OLFM4: variants seen among roughly 807,000 people sequenced by gnomAD.
OLFM4 encodes olfactomedin-4.
Under a neutral mutation model 25.5 loss-of-function variants are expected in OLFM4, and 22 were observed. The ratio of observed to expected loss-of-function variants is 0.86; its 90% CI spans 0.62 to 1.23. The LOEUF is 1.23. Ranked by LOEUF, OLFM4 falls within the 50% of genes most tolerant of loss-of-function variation. OLFM4 has a pLI of 0.00. For missense variants in OLFM4, 594 were observed against 619.4 expected, an observed-to-expected ratio of 0.96 and a Z score of 0.44; for synonymous variants, 255 against 237.7, an observed-to-expected ratio of 1.07 and a Z score of -0.67.
intron 2 of OLFM4, among the ~76,000 whole-genome samples, chr13:53,040,982 G>A (rs1415964114): frequency 6.6e-6 from 1 of 152,190 alleles, no homozygotes; most frequent in Non-Finnish European, 1.5e-5. Context: ...AATAACAGAT[G>A]CTGGTGAGAT....
Position 53,050,807 on chromosome 13 carries a change from G to C in OLFM4, c.*36G>C. 6.6e-7 allele frequency: 1 copy of C among 1,520,930 alleles called. No homozygotes were observed. The highest frequency in any genetic ancestry group is 8.8e-7 in the Non-Finnish European group (1 of 1,137,410). 94.2% of individuals were successfully genotyped at this position (1,520,930 alleles called of 1,614,324 possible). ...AGTTAGGGTGAAAGAGAAAATGTTT[G>C]TTGAAAAAATAGTCTTCTCCACTTA... is the stretch of plus-strand genomic sequence containing the variant. On this transcript the variant is annotated 3_prime_UTR_variant, in exon 5 of 5. Coordinates refer to ENST00000219022, the MANE Select transcript of OLFM4 (RefSeq NM_006418.5).
At chr13:53,039,213 A>T (rs908137542) in intron 2 of OLFM4, among the ~76,000 whole-genome samples, 7 of 152,366 alleles carry the variant, frequency 4.6e-5, no homozygotes, top group African/African-American at 1.7e-4. Flanking sequence ...CATTTGTTCC[A>T]AGAGCTGGCA....
At chr13:53,033,182 A>G (rs1249642186) in intron 1 of OLFM4, among the ~76,000 whole-genome samples, 1 of 152,238 alleles carries the variant, frequency 6.6e-6, no homozygotes, top group Non-Finnish European at 1.5e-5. Flanking sequence ...AGGATCTTTC[A>G]AAAGTGTCAT....
At chr13:53,030,425 C>T (rs1954623053) in intron 1 of OLFM4, among the ~76,000 whole-genome samples, 1 of 152,156 alleles carries the variant, frequency 6.6e-6, no homozygotes, top group African/African-American at 2.4e-5. Context: ...ACCTCAGCCT[C>T]CTGAGTAGCT....
At chr13:53,039,319 C>G (rs759121381) in intron 2 of OLFM4, among the ~76,000 whole-genome samples, 3 of 152,078 alleles carry the variant, frequency 2.0e-5, no homozygotes, top group African/African-American at 4.8e-5. Context: ...GGTTTTATGC[C>G]TGAGTTTTGT....
chr13:53,030,696 T>G (rs1593476493), intron 1 of OLFM4, among the ~76,000 whole-genome samples: 1 of 152,344 alleles, frequency 6.6e-6, no homozygotes, highest in East Asian at 1.9e-4. Flanking sequence ...GTCATTAGTT[T>G]TAAGTCACTA....
intron 1 of OLFM4, among the ~76,000 whole-genome samples, chr13:53,032,310 A>C (rs181261239): frequency 6.6e-6 from 1 of 152,186 alleles, no homozygotes; most frequent in African/African-American, 2.4e-5. Context: ...TTGTGCAGCT[A>C]ATTAAACTCC....
intron 1 of OLFM4, among the ~76,000 whole-genome samples, chr13:53,033,845 G>A (rs1954641782): frequency 6.6e-6 from 1 of 152,038 alleles, no homozygotes; most frequent in Non-Finnish European, 1.5e-5. Flanking sequence ...TGGATCACGA[G>A]GTCAGGAGAT....
Position 53,050,197 on chromosome 13 carries a change from A to G in OLFM4, c.959A>G (p.Glu320Gly), listed in dbSNP as rs774387735. ...DDLLLYINAR[E>G]LRITYGQGSG... Reference sequence around the variant, plus strand: ...TTGCTATTGTATATAAATGCTCGAGAGTTGCGGATCACCTATGGCCAAGGT... The same window carrying G: ...TTGCTATTGTATATAAATGCTCGAGGGTTGCGGATCACCTATGGCCAAGGT... Residue 320 changes from glutamate to glycine, a missense_variant, in exon 5 of 5, where the codon GAG becomes GGG. Coordinates refer to ENST00000219022, the MANE Select transcript of OLFM4 (RefSeq NM_006418.5). 9 of 1,613,950 alleles carry G rather than the reference A, an allele frequency of 5.6e-6. No homozygotes were observed. The Admixed American group carries it at 8.3e-5, about 15-fold the overall frequency.
intron 1 of OLFM4, among the ~76,000 whole-genome samples, chr13:53,033,481 A>G (rs1444153954): frequency 6.6e-6 from 1 of 152,156 alleles, no homozygotes; most frequent in East Asian, 1.9e-4. Context: ...ATGAAAAGGA[A>G]TTGGATTGGG....
chr13:53,042,751 C>T (rs766136209), intron 3 of OLFM4, among the ~76,000 whole-genome samples: 2 of 152,148 alleles, frequency 1.3e-5, no homozygotes, highest in African/African-American at 2.4e-5. Context: ...TTCTCTGGCC[C>T]TCACCATTCA....
rs2138243933 is a variant in OLFM4 at position 53,050,259 on chromosome 13, A to C, written c.1021A>C (p.Asn341His). The change falls in exon 5 of 5, where the codon AAC becomes CAC. Residue 341 changes from asparagine to histidine, a missense_variant. By Grantham distance (68) the Asn-to-His change is moderately conservative. Coordinates refer to ENST00000219022, the MANE Select transcript of OLFM4 (RefSeq NM_006418.5). ...TAVYNNNMYV[N>H]MYNTGNIARV... ...AGTTTACAACAACAACATGTACGTC[A>C]ACATGTACAACACCGGGAATATTGC... 1 of 1,614,104 alleles carries C rather than the reference A, an allele frequency of 6.2e-7. No individual in the cohort carries two copies. Among genetic ancestry groups the C allele is most frequent in the East Asian group, 2.2e-5 (1 of 44,878 alleles).
rs1040570303 is a variant in OLFM4, at chr13:53,034,719, C to T, written c.357+219C>T. Among the ~76,000 whole-genome samples, 10 of 152,236 alleles carry T rather than the reference C, an allele frequency of 6.6e-5. No individual in the cohort carries two copies. In the South Asian group the frequency reaches 2.1e-3, roughly 32 times the overall value. On this transcript the variant is annotated intron_variant, in intron 2 of 4. Transcript: ENST00000219022. ...AAAGTGGGGTTCAAATTGTTCACGC[C>T]GTGGATAAACTCACTATAGTATTGT...
At chr13:53,048,777 C>T (rs997597629) in intron 4 of OLFM4, among the ~76,000 whole-genome samples, 2 of 152,296 alleles carry the variant, frequency 1.3e-5, no homozygotes, top group African/African-American at 4.8e-5. Flanking sequence ...TTTCCTGTCT[C>T]ACCTGCTCTG....
chr13:53,044,872 C>T lies in OLFM4; in HGVS notation c.730+1608C>T, dbSNP rs146386688. On this transcript the variant is annotated intron_variant, in intron 4 of 4. Coordinates refer to ENST00000219022, the MANE Select transcript of OLFM4 (RefSeq NM_006418.5). The stretch of plus-strand genomic sequence containing the variant: ...ATGACAACTCCTGATAATCCCTGAA[C>T]GAGCTCCCCAACACCCCTTGCAAAT... Among the ~76,000 whole-genome samples the T allele has an allele frequency of 2.5e-3, 387 of 152,226 alleles. 2 individuals are homozygous for T. Among genetic ancestry groups the T allele is most frequent in the African/African-American group, 8.9e-3 (368 of 41,548 alleles).
intron 2 of OLFM4, among the ~76,000 whole-genome samples, chr13:53,036,566 G>A (rs922761134): frequency 6.6e-6 from 1 of 152,136 alleles, no homozygotes; most frequent in Non-Finnish European, 1.5e-5. Context: ...TAGGGAAGAA[G>A]TGCAGAATAG....
intron 2 of OLFM4, among the ~76,000 whole-genome samples, chr13:53,039,728 A>G (rs1431829928): frequency 1.3e-5 from 2 of 152,130 alleles, no homozygotes; most frequent in Non-Finnish European, 2.9e-5. Flanking sequence ...GGCCGTATAT[A>G]TGTTTTAACC....
intron 4 of OLFM4, 104 bp from the exon 5 acceptor site, chr13:53,049,865 A>G: frequency 7.9e-7 from 1 of 1,260,846 alleles, no homozygotes; most frequent in Non-Finnish European, 1.1e-6. Context: ...GAACCTTGAC[A>G]GGAAAAATAT....
At chr13:53,045,014 A>G (rs1440054395) in intron 4 of OLFM4, among the ~76,000 whole-genome samples, 2 of 152,082 alleles carry the variant, frequency 1.3e-5, no homozygotes. Flanking sequence ...GTCTCAGAGG[A>G]GAAGACGTGG....
Sources: allele counts gnomAD v4.1 joint callset (sites outside exome capture counted in the v4.1 genomes callset), GRCh38; gene constraint gnomAD v4.1.1; transcripts MANE v1.5; gene names NCBI Gene and HGNC (gene_info 2026-07-23, HGNC 2026-07-21).